Variants in MAP2K6 observed in about 807,000 individuals in gnomAD.
The protein encoded by MAP2K6 is dual specificity mitogen-activated protein kinase kinase 6.
MAP2K6 carries 16 observed loss-of-function variants against 53.7 expected under a neutral mutation model. That is an observed-to-expected ratio of 0.30 (90% CI 0.20 to 0.45). The LOEUF is 0.45. Ranked by LOEUF, MAP2K6 falls within the 20% of genes least tolerant of loss-of-function variation. The pLI is 1.00. For synonymous variants in MAP2K6, 132 were observed against 143.1 expected, an observed-to-expected ratio of 0.92 and a Z score of 0.55; for missense variants, 204 against 411.9, an observed-to-expected ratio of 0.50 and a Z score of 4.37.
intron 1 of MAP2K6, among the ~76,000 whole-genome samples, chr17:69,475,606 T>C (rs899185576): frequency 4.6e-5 from 7 of 152,272 alleles, no homozygotes; most frequent in African/African-American, 7.2e-5. Flanking sequence ...AGAAGTCTTA[T>C]GTTGCCTATT....
intron 7 of MAP2K6, among the ~76,000 whole-genome samples, chr17:69,523,232 A>G (rs1910577499): frequency 6.6e-6 from 1 of 152,252 alleles, no homozygotes; most frequent in South Asian, 2.1e-4. Context: ...TCTTACTACA[A>G]GTATGAGGGT....
intron 9 of MAP2K6, among the ~76,000 whole-genome samples, chr17:69,525,562 A>AC (rs1216594925): frequency 6.6e-6 from 1 of 152,228 alleles, no homozygotes; most frequent in African/African-American, 2.4e-5. Flanking sequence ...GGGAGGCCTC[A>AC]CGATCATGGC....
chr17:69,477,990 A>G (rs530598877), intron 1 of MAP2K6, among the ~76,000 whole-genome samples: 26 of 152,298 alleles, frequency 1.7e-4, no homozygotes, highest in African/African-American at 5.3e-4. Context: ...TGTTACAGGG[A>G]GAGAGGACAG....
intron 1 of MAP2K6, among the ~76,000 whole-genome samples, chr17:69,422,120 C>T (rs539046365): frequency 1.4e-5 from 2 of 140,584 alleles, no homozygotes; most frequent in Non-Finnish European, 3.1e-5. Context: ...CAGAAATCAT[C>T]GTAATTTTTT....
At chr17:69,521,181 C>A (rs41301823) in intron 7 of MAP2K6, 81 bp downstream of exon 7, 159 of 1,260,426 alleles carry the variant, frequency 1.3e-4, no homozygotes, top group Middle Eastern at 3.8e-4. Context: ...ACCCCCAGTC[C>A]CCCATGGGTG....
chr17:69,493,035 C>G (rs371330478), intron 1 of MAP2K6, among the ~76,000 whole-genome samples: 1 of 151,982 alleles, frequency 6.6e-6, no homozygotes, highest in African/African-American at 2.4e-5. Flanking sequence ...AAGTGAGGAT[C>G]AAATGAAGAT....
intron 1 of MAP2K6, among the ~76,000 whole-genome samples, chr17:69,438,326 G>C (rs969755716): frequency 4.6e-5 from 7 of 152,110 alleles, no homozygotes; most frequent in South Asian, 4.1e-4. Context: ...TGGTTACCTT[G>C]GGTTTGGCTT....
chr17:69,439,354 A>ATC (rs1180153288), intron 1 of MAP2K6, among the ~76,000 whole-genome samples: 2 of 152,120 alleles, frequency 1.3e-5, no homozygotes, highest in African/African-American at 4.8e-5. Context: ...CTGACTTCCC[A>ATC]TCTCTCTCTC....
chr17:69,512,339 G>GTTTTTTTTTTTTTTTTTTTT (rs746993199), intron 2 of MAP2K6, among the ~76,000 whole-genome samples: 4 of 82,132 alleles, frequency 4.9e-5, no homozygotes, highest in East Asian at 3.4e-4. Context: ...TTTTTTTTTT[G>GTTTTTTTTTTTTTTTTTTTT]TTTTTTTTTT....
At chr17:69,450,196 A>C (rs1567822199) in intron 1 of MAP2K6, among the ~76,000 whole-genome samples, 1 of 146,172 alleles carries the variant, frequency 6.8e-6, no homozygotes, top group African/African-American at 2.5e-5. Flanking sequence ...CAGGTGATCC[A>C]CCTGCCTCGG....
At position 69,492,825 on chromosome 17, in the gene MAP2K6, T is replaced by C. The variant is rs1908802252; in HGVS notation, c.17-12955T>C. ...ATTTAATCACATCTGCAAAAAATTA[T>C]CATGATAACATTCATAGGTTGCATG... On this transcript the variant is annotated intron_variant, in intron 1 of 11. Coordinates refer to ENST00000590474, the MANE Select transcript of MAP2K6 (RefSeq NM_002758.4). 2.0e-5 allele frequency among the ~76,000 whole-genome samples: 3 copies of C among 152,182 alleles called. 1 individual carries two copies. Among genetic ancestry groups the C allele is most frequent in the Non-Finnish European group, 4.4e-5 (3 of 68,030 alleles).
intron 1 of MAP2K6, among the ~76,000 whole-genome samples, chr17:69,444,845 G>C (rs1278339443): frequency 6.6e-6 from 1 of 152,208 alleles, no homozygotes; most frequent in Admixed American, 6.5e-5. Flanking sequence ...AACTCTCCAA[G>C]TTGGCTGTTG....
intron 1 of MAP2K6, among the ~76,000 whole-genome samples, chr17:69,423,222 T>C (rs1366731598): frequency 6.6e-6 from 1 of 152,200 alleles, no homozygotes; most frequent in African/African-American, 2.4e-5. Flanking sequence ...TGAGCGAAGA[T>C]GGTTTTCCCA....
chr17:69,464,315 C>T (rs937008329), intron 1 of MAP2K6, among the ~76,000 whole-genome samples: 4 of 151,954 alleles, frequency 2.6e-5, no homozygotes, highest in African/African-American at 9.7e-5. Flanking sequence ...AGTTATTGCA[C>T]GTTTAGTATA....
intron 1 of MAP2K6, among the ~76,000 whole-genome samples, chr17:69,455,891 G>A (rs1227240687): frequency 3.7e-5 from 4 of 109,330 alleles, no homozygotes; most frequent in Non-Finnish European, 5.2e-5. Flanking sequence ...ACAGAGTTTT[G>A]CTCTCGTTGC....
chr17:69,459,048 A>G (rs1475105284), intron 1 of MAP2K6, among the ~76,000 whole-genome samples: 3 of 152,222 alleles, frequency 2.0e-5, no homozygotes, highest in African/African-American at 4.8e-5. Flanking sequence ...CCTCTAAGCC[A>G]GAGAGAAATT....
At chr17:69,436,387 AC>A (rs1421483949) in intron 1 of MAP2K6, among the ~76,000 whole-genome samples, 1 of 152,236 alleles carries the variant, frequency 6.6e-6, no homozygotes, top group African/African-American at 2.4e-5. Flanking sequence ...ATATAGTTTT[AC>A]AAAAATACCT....
intron 10 of MAP2K6, among the ~76,000 whole-genome samples, chr17:69,529,193 T>C (rs1186429367): frequency 2.6e-5 from 4 of 152,164 alleles, no homozygotes; most frequent in Non-Finnish European, 5.9e-5. Flanking sequence ...CTCATCCTCA[T>C]AGACTCTGAT....
At chr17:69,447,717 A>C (rs563596608) in intron 1 of MAP2K6, among the ~76,000 whole-genome samples, 4 of 152,362 alleles carry the variant, frequency 2.6e-5, no homozygotes, top group African/African-American at 9.6e-5. Flanking sequence ...GAGATGAAGA[A>C]AGAAAGAAAT....
Sources: allele counts gnomAD v4.1 joint callset (sites outside exome capture counted in the v4.1 genomes callset), GRCh38; gene constraint gnomAD v4.1.1; transcripts MANE v1.5; gene names NCBI Gene and HGNC (gene_info 2026-07-23, HGNC 2026-07-21).